DCC: variants seen among roughly 807,000 people sequenced by gnomAD.
The protein encoded by DCC is DCC netrin 1 receptor, also known as netrin receptor DCC.
In DCC, 58 loss-of-function variants were observed where a neutral mutation model predicts 172.5. That is an observed-to-expected ratio of 0.34 (90% CI 0.27 to 0.42). The LOEUF (loss-of-function observed/expected upper bound fraction) is 0.42, where lower values mean the gene tolerates loss of function less well. Ranked by LOEUF, DCC falls within the 10% of genes least tolerant of loss-of-function variation. The probability of loss-of-function intolerance (pLI) is 1.00; values close to 1 mark genes in which losing one functional copy is unlikely to be tolerated. For synonymous variants in DCC, 709 were observed against 644.5 expected, an observed-to-expected ratio of 1.10 and a Z score of -1.52; for missense variants, 1,740 against 1,791.0, an observed-to-expected ratio of 0.97 and a Z score of 0.51.
At chr18:52,440,301 C>T (rs1987934700) in intron 1 of DCC, among the ~76,000 whole-genome samples, 2 of 152,206 alleles carry the variant, frequency 1.3e-5, no homozygotes, top group Admixed American at 1.3e-4. Context: ...TGCTCACGTG[C>T]TTCAGAATAC....
At chr18:53,431,575 C>A (rs1357307531) in intron 21 of DCC, among the ~76,000 whole-genome samples, 1 of 151,894 alleles carries the variant, frequency 6.6e-6, no homozygotes, top group Non-Finnish European at 1.5e-5. Context: ...GCAACCTCTA[C>A]CTCCTGGGTT....
At chr18:52,970,624 TGGGA>T (rs1294292618) in intron 5 of DCC, among the ~76,000 whole-genome samples, 1 of 152,192 alleles carries the variant, frequency 6.6e-6, no homozygotes, top group East Asian at 1.9e-4. Context: ...TAAATAAGTG[TGGGA>T]AATTTAATTT....
At chr18:53,082,331 A>AT (rs746855345) in intron 7 of DCC, among the ~76,000 whole-genome samples, 6 of 152,078 alleles carry the variant, frequency 3.9e-5, no homozygotes, top group Non-Finnish European at 7.4e-5. Context: ...ATTATTAATC[A>AT]TTTTTCCTGG....
At chr18:53,085,237 T>C (rs1050931407) in intron 7 of DCC, among the ~76,000 whole-genome samples, 4 of 152,146 alleles carry the variant, frequency 2.6e-5, no homozygotes, top group Non-Finnish European at 1.5e-5. Context: ...GGCCAAGGGT[T>C]ATAATAAACA....
chr18:53,207,024 T>C (rs1437099470), intron 10 of DCC, among the ~76,000 whole-genome samples: 2 of 130,590 alleles, frequency 1.5e-5, no homozygotes, highest in African/African-American at 5.2e-5. Flanking sequence ...TCTTGTTTTT[T>C]CAACTTTCTG....
At chr18:52,571,906 T>C (rs957553652) in intron 1 of DCC, among the ~76,000 whole-genome samples, 2 of 152,186 alleles carry the variant, frequency 1.3e-5, no homozygotes, top group South Asian at 4.1e-4. Flanking sequence ...ATTTTTGTAT[T>C]AATTATTAAG....
At chr18:53,085,064 C>A (rs2042858803) in intron 7 of DCC, among the ~76,000 whole-genome samples, 1 of 152,056 alleles carries the variant, frequency 6.6e-6, no homozygotes, top group South Asian at 2.1e-4. Flanking sequence ...AATTTAAAGC[C>A]AAGCCTATTA....
chr18:52,652,487 C>G (rs1198169963), intron 1 of DCC, among the ~76,000 whole-genome samples: 2 of 152,080 alleles, frequency 1.3e-5, no homozygotes. Context: ...ACGAGTCATG[C>G]TCTTTTTAAG....
chr18:52,784,661 A>T (rs1002478147), intron 2 of DCC, among the ~76,000 whole-genome samples: 2 of 151,920 alleles, frequency 1.3e-5, no homozygotes, highest in Non-Finnish European at 2.9e-5. Context: ...ATGACTGATG[A>T]TGTTGATATT....
At chr18:52,564,667 TGG>T (rs66655401) in intron 1 of DCC, among the ~76,000 whole-genome samples, 11,342 of 110,512 alleles carry the variant, frequency 0.1, 684 homozygotes, top group South Asian at 0.18. Flanking sequence ...ATTATAATAT[TGG>T]GGGGGGGGGT....
At position 52,579,511 on chromosome 18, in the gene DCC, T is replaced by C. The variant is rs540584150; in HGVS notation, c.92-172543T>C. 2.6e-5 allele frequency among the ~76,000 whole-genome samples: 4 copies of C among 152,186 alleles called. No homozygotes were observed. In the South Asian group the frequency reaches 6.2e-4, roughly 24 times the overall value. On this transcript the variant is annotated intron_variant, in intron 1 of 28. Transcript: ENST00000442544. ...AGTAATAATAGTGATAAATCTTTTA[T>C]TGTGTAGTTTATAAGTGTGTGTGTA...
intron 22 of DCC, among the ~76,000 whole-genome samples, chr18:53,446,940 G>GACTT (rs1912648900): frequency 6.6e-6 from 1 of 152,162 alleles, no homozygotes; most frequent in Non-Finnish European, 1.5e-5. Context: ...GGTGTGGTGT[G>GACTT]ACTTACAGAG....
intron 2 of DCC, among the ~76,000 whole-genome samples, chr18:52,870,769 G>A (rs1168176141): frequency 7.2e-6 from 1 of 139,698 alleles, no homozygotes; most frequent in East Asian, 2.1e-4. Flanking sequence ...CAATCATCAC[G>A]CTCCCTACCC....
At chr18:53,510,692 T>C (rs1187496704) in intron 27 of DCC, among the ~76,000 whole-genome samples, 1 of 152,252 alleles carries the variant, frequency 6.6e-6, no homozygotes, top group Non-Finnish European at 1.5e-5. Flanking sequence ...ACTTCCATGA[T>C]ACTGTGATGT....
At chr18:53,484,858 C>A (rs2045882954) in intron 25 of DCC, among the ~76,000 whole-genome samples, 1 of 151,538 alleles carries the variant, frequency 6.6e-6, no homozygotes, top group Non-Finnish European at 1.5e-5. Context: ...TGTGTTAAAT[C>A]TGCATATTGC....
intron 21 of DCC, among the ~76,000 whole-genome samples, chr18:53,427,071 T>A (rs1911018169): frequency 2.6e-5 from 4 of 152,100 alleles, no homozygotes; most frequent in Admixed American, 2.0e-4. Context: ...TGGGGGAGGC[T>A]TTTATGGATC....
At chr18:52,572,492 C>A (rs935744327) in intron 1 of DCC, among the ~76,000 whole-genome samples, 3 of 152,164 alleles carry the variant, frequency 2.0e-5, no homozygotes, top group African/African-American at 7.2e-5. Context: ...TGCCTCCTGG[C>A]AAGGTAGACA....
intron 5 of DCC, among the ~76,000 whole-genome samples, chr18:53,023,008 C>T (rs948497827): frequency 1.3e-5 from 2 of 152,090 alleles, no homozygotes; most frequent in East Asian, 3.9e-4. Context: ...CTATAAATCT[C>T]GACTTTTTGG....
chr18:53,466,590 A>G (rs1260560799), intron 24 of DCC, among the ~76,000 whole-genome samples: 1 of 152,102 alleles, frequency 6.6e-6, no homozygotes, highest in African/African-American at 2.4e-5. Flanking sequence ...CAGTGGCGCA[A>G]TCTCAGCTCA....
Sources: allele counts gnomAD v4.1 joint callset (sites outside exome capture counted in the v4.1 genomes callset), GRCh38; gene constraint gnomAD v4.1.1; transcripts MANE v1.5; gene names NCBI Gene and HGNC (gene_info 2026-07-23, HGNC 2026-07-21).